Variants in GRIK1 observed in about 807,000 individuals in gnomAD.
The protein encoded by GRIK1 is glutamate ionotropic receptor kainate type subunit 1, also known as glutamate receptor ionotropic, kainate 1.
GRIK1 carries 69 observed loss-of-function variants against 105.7 expected under a neutral mutation model. That is an observed-to-expected ratio of 0.65 (90% CI 0.54 to 0.80). The LOEUF is 0.80. GRIK1 is among the 30% of genes least tolerant of loss of function. The pLI is 0.00. For synonymous variants in GRIK1, 438 were observed against 431.3 expected, an observed-to-expected ratio of 1.02 and a Z score of -0.19; for missense variants, 1,109 against 1,167.3, an observed-to-expected ratio of 0.95 and a Z score of 0.73.
intron 1 of GRIK1, among the ~76,000 whole-genome samples, chr21:29,817,584 G>C (rs751043169): frequency 6.6e-6 from 1 of 152,050 alleles, no homozygotes; most frequent in Non-Finnish European, 1.5e-5. Context: ...AGTCATCTTG[G>C]TATTGCCCCT....
At chr21:29,744,033 A>C (rs1813155150) in intron 1 of GRIK1, among the ~76,000 whole-genome samples, 1 of 152,240 alleles carries the variant, frequency 6.6e-6, no homozygotes. Flanking sequence ...CCCATGACAC[A>C]AGTTTACCTA....
At chr21:29,790,697 C>T (rs778690487) in intron 1 of GRIK1, among the ~76,000 whole-genome samples, 1 of 152,144 alleles carries the variant, frequency 6.6e-6, no homozygotes, top group Non-Finnish European at 1.5e-5. Flanking sequence ...AAGTGATCCA[C>T]CCACCTTGGC....
intron 1 of GRIK1, among the ~76,000 whole-genome samples, chr21:29,756,647 C>T (rs1449350651): frequency 6.6e-6 from 1 of 151,622 alleles, no homozygotes; most frequent in Non-Finnish European, 1.5e-5. Context: ...TAACTTGTTT[C>T]CTGGCATTCA....
chr21:29,739,066 G>A (rs1478767645), intron 1 of GRIK1, among the ~76,000 whole-genome samples: 3 of 152,200 alleles, frequency 2.0e-5, no homozygotes, highest in Non-Finnish European at 4.4e-5. Flanking sequence ...GAAAAAGGTA[G>A]ACCTAGTTGC....
chr21:29,735,220 C>A (rs1404238493), intron 1 of GRIK1, among the ~76,000 whole-genome samples: 1 of 152,164 alleles, frequency 6.6e-6, no homozygotes, highest in Non-Finnish European at 1.5e-5. Context: ...GATAAATATT[C>A]ATTAAATTCA....
intron 1 of GRIK1, among the ~76,000 whole-genome samples, chr21:29,937,632 A>G (rs772711476): frequency 2.0e-5 from 3 of 152,146 alleles, no homozygotes; most frequent in Non-Finnish European, 2.9e-5. Flanking sequence ...GCTACCTTAT[A>G]TTTGTTATAC....
intron 7 of GRIK1, among the ~76,000 whole-genome samples, chr21:29,614,547 G>A (rs2061802814): frequency 6.6e-6 from 1 of 150,570 alleles, no homozygotes; most frequent in South Asian, 2.1e-4. Context: ...CCAAGTAGCT[G>A]GGGTTACGGG....
In GRIK1 at chr21:29,848,779, A is replaced by ATATT; in HGVS notation, c.118+90603_118+90604insAATA. Among the ~76,000 whole-genome samples the ATATT allele has an allele frequency of 4.6e-3, 362 of 77,860 alleles. 7 individuals are homozygous for ATATT. The highest frequency in any genetic ancestry group is 0.012 in the East Asian group (30 of 2,602). 51.1% of individuals were successfully genotyped at this position (77,860 alleles called of 152,430 possible). The stretch of plus-strand genomic sequence containing the variant: ...TGTATATATATATATATATATATAT[A>ATATT]TTTTTTTTTTTTTCCACGATCTTCA... On this transcript the variant is annotated intron_variant, in intron 1 of 17. Transcript: ENST00000327783.
intron 14 of GRIK1, among the ~76,000 whole-genome samples, chr21:29,567,117 G>A (rs954579567): frequency 2.0e-5 from 3 of 152,172 alleles, no homozygotes; most frequent in Non-Finnish European, 4.4e-5. Context: ...GTTTTAGGAA[G>A]TGCAACAGTT....
intron 1 of GRIK1, among the ~76,000 whole-genome samples, chr21:29,695,895 C>G (rs565420318): frequency 1.3e-5 from 2 of 151,980 alleles, no homozygotes; most frequent in East Asian, 3.9e-4. Flanking sequence ...TCTCTCCATT[C>G]AAAGGGGGAA....
chr21:29,615,642 G>A (rs2061833232), intron 7 of GRIK1, among the ~76,000 whole-genome samples: 1 of 152,196 alleles, frequency 6.6e-6, no homozygotes, highest in Non-Finnish European at 1.5e-5. Context: ...AGGAATAGAT[G>A]ATACTTAATA....
intron 1 of GRIK1, among the ~76,000 whole-genome samples, chr21:29,756,976 G>A (rs895919331): frequency 5.3e-5 from 8 of 152,024 alleles, no homozygotes; most frequent in Admixed American, 1.3e-4. Flanking sequence ...AATTAGCTGG[G>A]TGTGGTGGCA....
chr21:29,792,328 G>C (rs1157757112), intron 1 of GRIK1, among the ~76,000 whole-genome samples: 1 of 152,152 alleles, frequency 6.6e-6, no homozygotes, highest in East Asian at 1.9e-4. Context: ...GACACAGATG[G>C]AATTATGAAT....
Position 29,656,354 on chromosome 21 carries a change from CAAAAAAAAAAAAAAA to C in GRIK1, c.727-1506_727-1492del, listed in dbSNP as rs3054331. Among the ~76,000 whole-genome samples, 264 of 51,178 alleles carry C rather than the reference CAAAAAAAAAAAAAAA, an allele frequency of 5.2e-3. 1 individual carries two copies. Among genetic ancestry groups the C allele is most frequent in the African/African-American group, 0.012 (230 of 18,884 alleles). The allele number at this position is 51,178 out of a possible 152,430, so 33.6% of individuals were successfully genotyped here. On this transcript the variant is annotated intron_variant, in intron 4 of 17. Transcript: ENST00000327783. ...CCAGCCTGGGGGCCAGAGCGAGACT[CAAAAAAAAAAAAAAA>C]AAAAAAAAAAAAAAAAAAAAGAAAT...
At chr21:29,932,379 G>A (rs1997558) in intron 1 of GRIK1, among the ~76,000 whole-genome samples, 98,768 of 151,914 alleles carry the variant, frequency 0.65, 32,822 homozygotes, top group East Asian at 0.83. Flanking sequence ...ATTTCATTAT[G>A]TACTTTAGAA....
intron 1 of GRIK1, among the ~76,000 whole-genome samples, chr21:29,736,760 C>A (rs1268477969): frequency 6.6e-6 from 1 of 151,128 alleles, no homozygotes; most frequent in African/African-American, 2.4e-5. Flanking sequence ...TCACTGCAAC[C>A]TCTGCCTCCT....
intron 1 of GRIK1, among the ~76,000 whole-genome samples, chr21:29,864,051 T>C (rs1427374105): frequency 6.6e-6 from 1 of 152,096 alleles, no homozygotes; most frequent in East Asian, 1.9e-4. Flanking sequence ...CTCTGGCCAC[T>C]CTCTGTTATT....
chr21:29,590,722 A>T (rs546601704), intron 10 of GRIK1, among the ~76,000 whole-genome samples: 82 of 152,198 alleles, frequency 5.4e-4, no homozygotes, highest in Middle Eastern at 6.8e-3. Context: ...TTCTGAAAAA[A>T]CTACTAGTAG....
At chr21:29,876,658 C>T (rs907244999) in intron 1 of GRIK1, among the ~76,000 whole-genome samples, 1 of 152,154 alleles carries the variant, frequency 6.6e-6, no homozygotes, top group Non-Finnish European at 1.5e-5. Flanking sequence ...CGTAGTTATG[C>T]TTTTAGGCAG....
Sources: allele counts gnomAD v4.1 joint callset (sites outside exome capture counted in the v4.1 genomes callset), GRCh38; gene constraint gnomAD v4.1.1; transcripts MANE v1.5; gene names NCBI Gene and HGNC (gene_info 2026-07-23, HGNC 2026-07-21).